SACM1L: variants seen among roughly 807,000 people sequenced by gnomAD.
SACM1L encodes the protein phosphatidylinositol-3-phosphatase SAC1.
In SACM1L, 32 loss-of-function variants were observed where a neutral mutation model predicts 89.5. The ratio of observed to expected loss-of-function variants is 0.36; its 90% CI spans 0.27 to 0.48. The LOEUF (loss-of-function observed/expected upper bound fraction) is 0.48, where lower values mean the gene tolerates loss of function less well. Ranked by LOEUF, SACM1L falls within the 20% of genes least tolerant of loss-of-function variation. The probability of loss-of-function intolerance (pLI) is 0.99; values close to 1 mark genes in which losing one functional copy is unlikely to be tolerated. For synonymous variants in SACM1L, 213 were observed against 232.8 expected, an observed-to-expected ratio of 0.92 and a Z score of 0.77; for missense variants, 543 against 708.5, an observed-to-expected ratio of 0.77 and a Z score of 2.65.
intron 11 of SACM1L, among the ~76,000 whole-genome samples, chr3:45,727,796 C>T (rs769158016): frequency 2.2e-4 from 34 of 152,212 alleles, no homozygotes; most frequent in African/African-American, 7.9e-4. Flanking sequence ...GGGGCTTTAC[C>T]GTGTTAGCCA....
At position 45,722,102 on chromosome 3, in the gene SACM1L, G is replaced by T; in HGVS notation, c.765+17G>T. On this transcript the variant is annotated intron_variant, in intron 9 of 19. Coordinates refer to ENST00000389061, the MANE Select transcript of SACM1L (RefSeq NM_014016.5). ...TTTGTACAGGCAAGTTGTTATGTCT[G>T]TTAGGCAGTCAGCGAGTTGGCCTTT... The T allele has an allele frequency of 1.3e-6, 2 of 1,522,950 alleles. No individual in the cohort carries two copies. The highest frequency in any genetic ancestry group is 1.8e-6 in the Non-Finnish European group (2 of 1,111,346). 94.3% of individuals were successfully genotyped at this position (1,522,950 alleles called of 1,614,324 possible). A position where few individuals can be genotyped will look rare whatever the true frequency, so the allele number is the denominator to read the frequency against.
At chr3:45,719,309 CAT>C (rs1332340852) in intron 7 of SACM1L, among the ~76,000 whole-genome samples, 189 bp from the exon 8 acceptor site, 1 of 152,136 alleles carries the variant, frequency 6.6e-6, no homozygotes, top group African/African-American at 2.4e-5. Flanking sequence ...ACCTTCGTGT[CAT>C]AGGGTTATTA....
intron 9 of SACM1L, 120 bp from the exon 10 acceptor site, chr3:45,722,749 G>C: frequency 1.6e-6 from 1 of 628,988 alleles, no homozygotes; most frequent in South Asian, 2.2e-5. Context: ...TAAAGTTGTC[G>C]GTAGATTGTA....
chr3:45,732,851 G>C (rs1031875723), intron 13 of SACM1L, among the ~76,000 whole-genome samples: 2 of 152,196 alleles, frequency 1.3e-5, no homozygotes. Context: ...GCCTGTGTGT[G>C]ATGGTTCTAA....
chr3:45,711,132 C>T (rs1698517961), intron 5 of SACM1L, among the ~76,000 whole-genome samples: 1 of 152,082 alleles, frequency 6.6e-6, no homozygotes, highest in Non-Finnish European at 1.5e-5. Context: ...CTGAGGTTGT[C>T]AGGGACAACT....
In SACM1L at chr3:45,732,114, T is replaced by G. The variant is rs774046406; in HGVS notation, c.1063T>G (p.Leu355Val). ...KNMRWDRLSI[L>V]LDQVAEMQDE... ...TATGAGATGGGATCGACTAAGTATT[T>G]TATTGGATCAGGTAGCAGAAATGCA... The change falls in exon 13 of 20, where the codon TTA (leucine) becomes GTA (valine). Residue 355 changes from leucine to valine, a missense_variant. Leu to Val is a conservative substitution (Grantham distance 32). Around this residue, in one of 2 missense-constraint regions of SACM1L, gnomAD observed 370 missense variants for 527.6 expected, o/e 0.70. Transcript: ENST00000389061. 4 of 1,606,380 alleles carry G rather than the reference T, an allele frequency of 2.5e-6. No homozygotes were observed. Among genetic ancestry groups the G allele is most frequent in the Non-Finnish European group, 3.4e-6 (4 of 1,177,356 alleles).
chr3:45,723,991 T>C (rs1232975399), intron 11 of SACM1L, among the ~76,000 whole-genome samples: 1 of 151,440 alleles, frequency 6.6e-6, no homozygotes, highest in Non-Finnish European at 1.5e-5. Flanking sequence ...CACATATACA[T>C]GCATACCACA....
chr3:45,727,730 G>C (rs1698955308), intron 11 of SACM1L, among the ~76,000 whole-genome samples: 1 of 152,036 alleles, frequency 6.6e-6, no homozygotes, highest in South Asian at 2.1e-4. Context: ...CGAGTAGCTG[G>C]GACTACAGGC....
chr3:45,690,200 A>G (rs1180367147), intron 1 of SACM1L: 1 of 152,268 alleles, frequency 6.6e-6, no homozygotes, highest in Non-Finnish European at 1.5e-5. Context: ...TAAGAGTTAT[A>G]AAATAGGTGT....
intron 11 of SACM1L, among the ~76,000 whole-genome samples, chr3:45,730,917 C>G (rs1699038341): frequency 6.6e-6 from 1 of 152,192 alleles, no homozygotes; most frequent in South Asian, 2.1e-4. Flanking sequence ...CATGTTACAA[C>G]AGATGTACAC....
intron 13 of SACM1L, among the ~76,000 whole-genome samples, chr3:45,733,721 C>G (rs1415855953): frequency 1.3e-5 from 2 of 152,214 alleles, no homozygotes; most frequent in Non-Finnish European, 2.9e-5. Flanking sequence ...GTTCCATACA[C>G]TGTGCTAAGT....
intron 11 of SACM1L, among the ~76,000 whole-genome samples, chr3:45,725,695 T>TC (rs1291044593): frequency 6.6e-6 from 1 of 151,976 alleles, no homozygotes; most frequent in Non-Finnish European, 1.5e-5. Context: ...TTTTTTTTTT[T>TC]CTTGCCTAAT....
chr3:45,744,934 TGTC>T lies in SACM1L; in HGVS notation c.*1266_*1268del, dbSNP rs573215693. 4 of 152,420 alleles carry T rather than the reference TGTC, an allele frequency of 2.6e-5. No homozygotes were observed. The South Asian group carries it at 8.3e-4, about 32-fold the overall frequency. The allele number at this position is 152,420 out of a possible 1,614,324, so 9.4% of individuals were successfully genotyped here. A position where few individuals can be genotyped will look rare whatever the true frequency, so the allele number is the denominator to read the frequency against. On this transcript the variant is annotated 3_prime_UTR_variant, in exon 20 of 20. Transcript: ENST00000389061. ...TTTTTCCAATATTAATACCTTATGT[TGTC>T]CTTAAATATTTCTAAAAGCGCCTTT... is the stretch of plus-strand genomic sequence containing the variant.
chr3:45,725,510 T>G (rs1395278473), intron 11 of SACM1L, among the ~76,000 whole-genome samples: 1 of 152,134 alleles, frequency 6.6e-6, no homozygotes, highest in African/African-American at 2.4e-5. Context: ...GATATTTCAT[T>G]GTTAGTATAT....
intron 4 of SACM1L, 181 bp downstream of exon 4, chr3:45,707,088 G>C: frequency 2.1e-6 from 1 of 480,132 alleles, no homozygotes; most frequent in Non-Finnish European, 3.4e-6. Flanking sequence ...ATCATTTGTT[G>C]CTCTTGTTTT....
chr3:45,707,020 C>G lies in SACM1L; in HGVS notation c.333+113C>G, dbSNP rs1269395479. 3 of 980,386 alleles carry G rather than the reference C, an allele frequency of 3.1e-6. No homozygotes were observed. In the South Asian group the frequency reaches 4.8e-5, roughly 16 times the overall value. The allele number at this position is 980,386 out of a possible 1,614,324, so 60.7% of individuals were successfully genotyped here. On this transcript the variant is annotated intron_variant, in intron 4 of 19. Coordinates refer to ENST00000389061, the MANE Select transcript of SACM1L (RefSeq NM_014016.5). ...AGAATGCTATAATTATTTTAACAAC[C>G]TATAGAGTAAGATCACTCTACCTAC...
chr3:45,701,880 A>G (rs1698281556), intron 1 of SACM1L, among the ~76,000 whole-genome samples: 1 of 152,210 alleles, frequency 6.6e-6, no homozygotes, highest in Admixed American at 6.5e-5. Flanking sequence ...ACTTTTATAC[A>G]AGAATGTTCC....
intron 1 of SACM1L, among the ~76,000 whole-genome samples, chr3:45,701,993 G>A (rs1287820756): frequency 3.3e-5 from 5 of 152,202 alleles, no homozygotes; most frequent in African/African-American, 9.7e-5. Context: ...ACAATGGAAT[G>A]CTATTCAGTA....
intron 11 of SACM1L, among the ~76,000 whole-genome samples, chr3:45,726,868 T>TTATA: frequency 1.3e-5 from 1 of 75,276 alleles, no homozygotes; most frequent in Non-Finnish European, 2.9e-5. Flanking sequence ...TTGCTTTATT[T>TTATA]CTTTTTTTTT....
Sources: gnomAD v4.1 joint callset for allele counts (sites outside exome capture counted in the v4.1 genomes callset) on GRCh38, gnomAD v4.1.1 for gene constraint, gnomAD v4.1.1 regional missense constraint, MANE v1.5 for transcripts, NCBI Gene and HGNC (gene_info 2026-07-23, HGNC 2026-07-21) for gene names.